OMG: variants seen among roughly 807,000 people sequenced by gnomAD.
OMG encodes oligodendrocyte-myelin glycoprotein.
Under a neutral mutation model 26.2 loss-of-function variants are expected in OMG, and 9 were observed. The observed-to-expected ratio is 0.34, with a 90% confidence interval of 0.21 to 0.60. The LOEUF (loss-of-function observed/expected upper bound fraction) is 0.60, where lower values mean the gene tolerates loss of function less well. Among genes scored for constraint, OMG ranks in the 20% least tolerant of loss-of-function variants. The pLI, the probability that OMG is intolerant of heterozygous loss-of-function variation, is 0.80. For synonymous variants in OMG, 179 were observed against 190.4 expected (o/e 0.94, Z 0.49); for missense variants, 402 against 513.6 (o/e 0.78, Z 2.10).
chr17:31,295,332 A>G lies in OMG; in HGVS notation c.1000T>C (p.Tyr334His). 5 of 1,614,106 alleles carry G rather than the reference A, an allele frequency of 3.1e-6. No individual in the cohort carries two copies. Among genetic ancestry groups the G allele is most frequent in the South Asian group, 2.2e-5 (2 of 91,074 alleles). The change falls in exon 2 of 2, where the codon TAT becomes CAT. Residue 334 changes from tyrosine to histidine, a missense_variant. Transcript: ENST00000247271. ...GTCTCTGTGGATGTATCTTCTGGAT[A>G]GGGCACAAAAGCCTTATCAGTGCTA... ...FTSTDKAFVP[Y>H]PEDTSTETIN... is the part of the protein sequence containing the mutation.
At position 31,295,673 on chromosome 17, in the gene OMG, A is replaced by G. The variant is rs758575519; in HGVS notation, c.659T>C (p.Ile220Thr). The change falls in exon 2 of 2, where the codon ATA (isoleucine) becomes ACA (threonine). Residue 220 changes from isoleucine to threonine, a missense_variant. Ile to Thr is a moderately conservative substitution (Grantham distance 89). Coordinates refer to ENST00000247271, the MANE Select transcript of OMG (RefSeq NM_002544.5). ...SFDQLFQLQE[I>T]TLYNNRWSCD... ...TGACCACCTGTTATTGTAAAGGGTT[A>G]TCTCTTGCAACTGAAAGAGTTGGTC... 5 of 1,614,068 alleles carry G rather than the reference A, an allele frequency of 3.1e-6. No homozygotes were observed. The highest frequency in any genetic ancestry group is 4.2e-6 in the Non-Finnish European group (5 of 1,180,026).
chr17:31,296,348 A>G lies in OMG; in HGVS notation c.-6-11T>C. ...ATATTCCATCAAAGCCTAGAAACAA[A>G]CAGATACACCCTTCTTTTAATATGC... is the stretch of plus-strand genomic sequence containing the variant. On this transcript the variant is annotated splice_polypyrimidine_tract_variant and intron_variant, in intron 1 of 1. Transcript: ENST00000247271. 6.2e-7 allele frequency: 1 copy of G among 1,613,874 alleles called. No homozygotes were observed.
Position 31,295,249 on chromosome 17 carries a change from C to T in OMG, c.1083G>A (p.Met361Ile), listed in dbSNP as rs746727863. The stretch of plus-strand genomic sequence containing the variant: ...AGCTAGTGAGGCTTGTGTTTGTGAC[C>T]ATTCCATCTTGGAGATGAATAGTTA... Reference protein sequence around the residue: ...ATLTIHLQDGMVTNTSLTSST... With the variant: ...ATLTIHLQDGIVTNTSLTSST... Residue 361 changes from methionine to isoleucine, a missense_variant, in exon 2 of 2, where the codon ATG (methionine) becomes ATA (isoleucine). By Grantham distance (10) the Met-to-Ile change is conservative (BLOSUM62 1). Transcript: ENST00000247271. The T allele has an allele frequency of 6.2e-6, 10 of 1,613,988 alleles. No homozygotes were observed. The South Asian group carries it at 7.7e-5, about 12-fold the overall frequency.
chr17:31,295,151 G>C lies in OMG; in HGVS notation c.1181C>G (p.Pro394Arg), dbSNP rs2068435076. 7 of 1,614,184 alleles carry C rather than the reference G, an allele frequency of 4.3e-6. No individual in the cohort carries two copies. Among genetic ancestry groups the C allele is most frequent in the Non-Finnish European group, 5.1e-6 (6 of 1,180,008 alleles). Reference protein sequence around the residue: ...SGMPNNFSEMPQQSTTLNLWR... With the variant: ...SGMPNNFSEMRQQSTTLNLWR... ...TAAGTTAAGGGTTGTGCTTTGTTGA[G>C]GCATTTCAGAGAAATTATTTGGCAT... is the stretch of plus-strand genomic sequence containing the variant. Residue 394 changes from proline to arginine, a missense_variant, in exon 2 of 2, where the codon CCT becomes CGT. Around this residue, in one of 3 missense-constraint regions of OMG, gnomAD observed 247 missense variants for 274.7 expected, o/e 0.90. Transcript: ENST00000247271.
rs1382329978 is a variant in OMG, at chr17:31,294,975, G to T, written c.*34C>A. 6.2e-7 allele frequency: 1 copy of T among 1,613,620 alleles called. No homozygotes were observed. The highest frequency in any genetic ancestry group is 8.5e-7 in the Non-Finnish European group (1 of 1,179,770). On this transcript the variant is annotated 3_prime_UTR_variant, in exon 2 of 2. Transcript: ENST00000247271. ...ATTTTCCCAACTGTACATCAGGGAGGAGTGCTTTCATTAGTTTCAGAAAAT... is the reference window on the plus strand; with the variant it reads ...ATTTTCCCAACTGTACATCAGGGAGTAGTGCTTTCATTAGTTTCAGAAAAT...
Position 31,295,777 on chromosome 17 carries a change from A to G in OMG, c.555T>C (p.Gly185=). The G allele has an allele frequency of 6.2e-7, 1 of 1,614,174 alleles. No individual in the cohort carries two copies. Among genetic ancestry groups the G allele is most frequent in the Non-Finnish European group, 8.5e-7 (1 of 1,180,010 alleles). ...TGAGATTTGTCAGGTTTATTAATGT[A>G]CCTGGAAGAATTTGTGTCAAAGAAT... ...SNNSLTQILP[G]TLINLTNLTH... is the part of the protein sequence containing the mutation. Residue 185 remains glycine (G), a synonymous_variant, in exon 2 of 2, where the codon GGT becomes GGC. Coordinates refer to ENST00000247271, the MANE Select transcript of OMG (RefSeq NM_002544.5).
Position 31,295,983 on chromosome 17 carries a change from A to C in OMG, c.349T>G (p.Ser117Ala), listed in dbSNP as rs201476857. 1.8e-5 allele frequency: 29 copies of C among 1,614,134 alleles called. No homozygotes were observed. In the East Asian group the frequency reaches 6.2e-4, roughly 35 times the overall value. Residue 117 changes from serine (S) to alanine (A), a missense_variant, in exon 2 of 2, where the codon TCT becomes GCT. This residue lies in a region of OMG where 90 missense variants were observed against 158.9 expected (regional missense o/e 0.57). Coordinates refer to ENST00000247271, the MANE Select transcript of OMG (RefSeq NM_002544.5). ...ANNNIKLLDK[S>A]DTAYQWNLKY... ...AGATTCCACTGATAAGCAGTATCAG[A>C]TTTGTCAAGAAGTTTAATGTTGTTG... is the stretch of plus-strand genomic sequence containing the variant.
chr17:31,296,471 T>G, intron 1 of OMG, 134 bp from the exon 2 acceptor site: 2 of 818,818 alleles, frequency 2.4e-6, no homozygotes, highest in Non-Finnish European at 4.2e-6. Flanking sequence ...TTCCAGTGAT[T>G]AAACTAACAA....
At position 31,294,778 on chromosome 17, in the gene OMG, A is replaced by C. The variant is rs1597789901; in HGVS notation, c.*231T>G. On this transcript the variant is annotated 3_prime_UTR_variant, in exon 2 of 2. Transcript: ENST00000247271. ...TAAAACATTTCATTTTTTTTATAAA[A>C]GAAACTCATTAGTTTACTTAATTAA... 3.5e-6 allele frequency: 2 copies of C among 571,358 alleles called. No homozygotes were observed. Among genetic ancestry groups the C allele is most frequent in the East Asian group, 6.1e-5 (2 of 32,872 alleles). 35.4% of individuals were successfully genotyped at this position (571,358 alleles called of 1,614,324 possible). A position where few individuals can be genotyped will look rare whatever the true frequency, so the allele number is the denominator to read the frequency against.
In OMG at chr17:31,296,040, G is replaced by T. The variant is rs1425753443; in HGVS notation, c.292C>A (p.Pro98Thr). Residue 98 changes from proline (P) to threonine (T), a missense_variant, in exon 2 of 2, where the codon CCT (proline) becomes ACT (threonine). Coordinates refer to ENST00000247271, the MANE Select transcript of OMG (RefSeq NM_002544.5). Reference protein sequence around the residue: ...NRLESLPAHLPRSLWNMSAAN... With the variant: ...NRLESLPAHLTRSLWNMSAAN... Reference sequence around the variant, plus strand: ...GCAGACATGTTCCACAGAGACCGAGGTAAGTGAGCAGGCAGGCTTTCAAGC... The same window carrying T: ...GCAGACATGTTCCACAGAGACCGAGTTAAGTGAGCAGGCAGGCTTTCAAGC... 1 of 1,614,088 alleles carries T rather than the reference G, an allele frequency of 6.2e-7. No individual in the cohort carries two copies. The highest frequency in any genetic ancestry group is 1.7e-5 in the Admixed American group (1 of 60,002).
chr17:31,295,210 G>A lies in OMG; in HGVS notation c.1122C>T (p.Ser374=), dbSNP rs750933575. The part of the protein sequence containing the change: ...NTSLTSSTKS[S]PTPMTLSITS... ...TGATACTTAGGGTCATGGGTGTTGG[G>A]GATGATTTTGTTGAGCTAGTGAGGC... is the stretch of plus-strand genomic sequence containing the variant. Residue 374 remains serine, a synonymous_variant, in exon 2 of 2, where the codon TCC becomes TCT. Transcript: ENST00000247271. 8.7e-6 allele frequency: 14 copies of A among 1,613,992 alleles called. 1 individual carries two copies. The South Asian group carries it at 1.4e-4, about 16-fold the overall frequency.
chr17:31,296,245 T>C lies in OMG; in HGVS notation c.87A>G (p.Gln29=), dbSNP rs1032039365. ...TPGILCICPL[Q]CICTERHRHV... is the part of the protein sequence containing the mutation. ...GCCTGTGCCTCTCTGTGCATATACA[T>C]TGGAGAGGACAAATGCATAAAATAC... is the stretch of plus-strand genomic sequence containing the variant. Residue 29 remains glutamine, a synonymous_variant, in exon 2 of 2, where the codon CAA becomes CAG. Coordinates refer to ENST00000247271, the MANE Select transcript of OMG (RefSeq NM_002544.5). 9.3e-6 allele frequency: 15 copies of C among 1,613,936 alleles called. No homozygotes were observed. Among genetic ancestry groups the C allele is most frequent in the Non-Finnish European group, 1.3e-5 (15 of 1,179,958 alleles).
At position 31,295,055 on chromosome 17, in the gene OMG, G is replaced by A. The variant is rs754561572; in HGVS notation, c.1277C>T (p.Ala426Val). 10 of 1,614,014 alleles carry A rather than the reference G, an allele frequency of 6.2e-6. No homozygotes were observed. Among genetic ancestry groups the A allele is most frequent in the African/African-American group, 2.7e-5 (2 of 74,920 alleles). ...AACATTGAGCAATAAGAGAAATGAA[G>A]CATTTACTTTCCAAGCATTTGCCAC... is the stretch of plus-strand genomic sequence containing the variant. The part of the protein sequence containing the change: ...PSVANAWKVN[A>V]SFLLLLNVVV... The change falls in exon 2 of 2, where the codon GCT (alanine) becomes GTT (valine). Residue 426 changes from alanine (A) to valine (V), a missense_variant. Physicochemically the swap from Ala to Val is moderately conservative, Grantham distance 64 (BLOSUM62 0). Around this residue, in one of 3 missense-constraint regions of OMG, gnomAD observed 247 missense variants for 274.7 expected, o/e 0.90. Coordinates refer to ENST00000247271, the MANE Select transcript of OMG (RefSeq NM_002544.5).
intron 1 of OMG, chr17:31,296,761 A>G (rs1448891732): frequency 4.4e-6 from 1 of 227,824 alleles, no homozygotes; most frequent in African/African-American, 2.3e-5. Flanking sequence ...TTTTTTTTTA[A>G]TCTCTGCAGT....
rs1217926849 is a variant in OMG at position 31,295,957 on chromosome 17, A to C, written c.375T>G (p.Leu125=). Reference sequence around the variant, plus strand: ...TGTTCTTAGAAACATCCAGATATTTAAGATTCCACTGATAAGCAGTATCAG... The same window carrying C: ...TGTTCTTAGAAACATCCAGATATTTCAGATTCCACTGATAAGCAGTATCAG... ...DKSDTAYQWN[L]KYLDVSKNML... Residue 125 remains leucine (L), a synonymous_variant, in exon 2 of 2, where the codon CTT becomes CTG. Coordinates refer to ENST00000247271, the MANE Select transcript of OMG (RefSeq NM_002544.5). The C allele has an allele frequency of 1.2e-6, 2 of 1,614,140 alleles. No homozygotes were observed. The highest frequency in any genetic ancestry group is 2.2e-5 in the South Asian group (2 of 91,078).
chr17:31,297,096 TAAAAG>T (rs978978855), intron 1 of OMG, 55 bp downstream of exon 1: 5 of 152,356 alleles, frequency 3.3e-5, no homozygotes, highest in East Asian at 1.9e-4. Flanking sequence ...GACTTTTTCT[TAAAAG>T]AAAAAGGAAA....
Position 31,294,934 on chromosome 17 carries a change from G to C in OMG, c.*75C>G. On this transcript the variant is annotated 3_prime_UTR_variant, in exon 2 of 2. Transcript: ENST00000247271. ...ATACTTAAATATAGCTCGAATCACTGGTTAGATATGGACATATTTTCCCAA... is the reference window on the plus strand; with the variant it reads ...ATACTTAAATATAGCTCGAATCACTCGTTAGATATGGACATATTTTCCCAA... The C allele has an allele frequency of 1.9e-6, 3 of 1,580,758 alleles. No homozygotes were observed. In the South Asian group the frequency reaches 3.3e-5, roughly 18 times the overall value.
Position 31,295,041 on chromosome 17 carries a change from A to G in OMG, c.1291T>C (p.Leu431=), listed in dbSNP as rs377553929. The change falls in exon 2 of 2, where the codon TTG becomes CTG. Residue 431 remains leucine (L), a synonymous_variant. Coordinates refer to ENST00000247271, the MANE Select transcript of OMG (RefSeq NM_002544.5). The stretch of plus-strand genomic sequence containing the variant: ...GCCAGCATGACCACAACATTGAGCA[A>G]TAAGAGAAATGAAGCATTTACTTTC... ...AWKVNASFLL[L]LNVVVMLAV is the part of the protein sequence containing the mutation. 3.3e-5 allele frequency: 53 copies of G among 1,614,160 alleles called. No individual in the cohort carries two copies. The South Asian group carries it at 3.8e-4, about 12-fold the overall frequency.
At position 31,295,827 on chromosome 17, in the gene OMG, G is replaced by C; in HGVS notation, c.505C>G (p.Leu169Val). Residue 169 changes from leucine to valine, a missense_variant, in exon 2 of 2, where the codon CTA (leucine) becomes GTA (valine). By Grantham distance (32) the Leu-to-Val change is conservative. Transcript: ENST00000247271. ...WTVPTNMPSKLHIVDLSNNSL... is the reference protein window; with the variant it reads ...WTVPTNMPSKVHIVDLSNNSL... ...TTATTAGACAGGTCCACGATATGTA[G>C]TTTGGAGGGCATGTTGGTTGGAACT... 2 of 1,614,204 alleles carry C rather than the reference G, an allele frequency of 1.2e-6. No individual in the cohort carries two copies. The highest frequency in any genetic ancestry group is 8.5e-7 in the Non-Finnish European group (1 of 1,180,024).
Sources: gnomAD v4.1 joint callset for allele counts on GRCh38, gnomAD v4.1.1 for gene constraint, gnomAD v4.1.1 regional missense constraint, MANE v1.5 for transcripts, NCBI Gene and HGNC (gene_info 2026-07-23, HGNC 2026-07-21) for gene names.